Variants in PAX5 observed in about 807,000 individuals in gnomAD.
PAX5 encodes the protein paired box protein Pax-5.
Under a neutral mutation model 43.7 loss-of-function variants are expected in PAX5, and 9 were observed. That is an observed-to-expected ratio of 0.21 (90% confidence interval 0.12 to 0.36). The LOEUF is 0.36. Ranked by LOEUF, PAX5 falls within the 10% of genes least tolerant of loss-of-function variation. PAX5 has a pLI of 1.00. For synonymous variants in PAX5, 228 were observed against 214.3 expected (o/e 1.06, Z -0.56); for missense variants, 383 against 532.7 (o/e 0.72, Z 2.77).
At chr9:36,908,354 C>T (rs1187435576) in intron 7 of PAX5, among the ~76,000 whole-genome samples, 1 of 152,066 alleles carries the variant, frequency 6.6e-6, no homozygotes, top group African/African-American at 2.4e-5. Context: ...CTGTCCCTTC[C>T]TTCATGCTGT....
intron 6 of PAX5, among the ~76,000 whole-genome samples, chr9:36,954,146 T>C (rs537642295): frequency 2.0e-5 from 3 of 152,318 alleles, no homozygotes; most frequent in South Asian, 2.1e-4. Flanking sequence ...TGTCTCTTCT[T>C]ACTTTTTTTT....
intron 5 of PAX5, among the ~76,000 whole-genome samples, chr9:36,990,929 G>A (rs532971471): frequency 5.9e-5 from 9 of 152,252 alleles, no homozygotes; most frequent in African/African-American, 1.9e-4. Flanking sequence ...GGACAACATG[G>A]TGAAATCCCA....
intron 5 of PAX5, among the ~76,000 whole-genome samples, chr9:36,967,127 C>A (rs929883358): frequency 2.6e-5 from 4 of 152,198 alleles, no homozygotes; most frequent in African/African-American, 9.7e-5. Context: ...GTCCTAAAGA[C>A]CTTCCCGGGA....
chr9:36,916,081 G>GT (rs1829711169), intron 7 of PAX5, among the ~76,000 whole-genome samples: 2 of 151,132 alleles, frequency 1.3e-5, no homozygotes, highest in African/African-American at 4.9e-5. Context: ...ATCCCTTGAG[G>GT]TTTTTTTTGT....
At chr9:36,958,428 C>T (rs1382997598) in intron 6 of PAX5, among the ~76,000 whole-genome samples, 1 of 151,186 alleles carries the variant, frequency 6.6e-6, no homozygotes, top group African/African-American at 2.4e-5. Context: ...CAAGCTAACT[C>T]TAGGAACTAC....
rs1821561931 is a variant in PAX5 at position 36,835,299 on chromosome 9, C to T, written c.*5261G>A. 8.6e-6 allele frequency: 2 copies of T among 233,024 alleles called. No homozygotes were observed. The highest frequency in any genetic ancestry group is 1.7e-5 in the Non-Finnish European group (2 of 117,888). The allele number at this position is 233,024 out of a possible 1,614,324, so 14.4% of individuals were successfully genotyped here. ...AATCCTGGGGTGCCCAGGAACGGAG[C>T]CTCAGTGCTGAGGAATTACCAGAAA... On this transcript the variant is annotated 3_prime_UTR_variant, in exon 10 of 10. Coordinates refer to ENST00000358127, the MANE Select transcript of PAX5 (RefSeq NM_016734.3).
At position 37,009,028 on chromosome 9, in the gene PAX5, A is replaced by G. The variant is rs572174531; in HGVS notation, c.411-2491T>C. ...ATATACCAGACATAAATATAGTTAC[A>G]AATAAATATATGGCAAAAAAGTCAC... On this transcript the variant is annotated intron_variant, in intron 3 of 9. Transcript: ENST00000358127. Among the ~76,000 whole-genome samples, 6 of 152,388 alleles carry G rather than the reference A, an allele frequency of 3.9e-5. No homozygotes were observed. The South Asian group carries it at 1.2e-3, about 32-fold the overall frequency.
chr9:37,011,144 A>AAAAAAAAG (rs1564074650), intron 3 of PAX5, among the ~76,000 whole-genome samples: 7 of 145,628 alleles, frequency 4.8e-5, no homozygotes, highest in Admixed American at 1.4e-4. Context: ...AAAAAAAAAA[A>AAAAAAAAG]AAAGAAAGAG....
chr9:36,969,968 G>C (rs111742741), intron 5 of PAX5, among the ~76,000 whole-genome samples: 1 of 152,128 alleles, frequency 6.6e-6, no homozygotes, highest in African/African-American at 2.4e-5. Context: ...AACAAATATT[G>C]ATAAAATATT....
rs61478585 is a variant in PAX5, at chr9:36,873,087, C to T, written c.1012+8917G>A. ...TTCACAGACTGGCAAACTCACTCTTCAAGGTCCAGCTCAAATGACCTCCTT... is the reference window on the plus strand; with the variant it reads ...TTCACAGACTGGCAAACTCACTCTTTAAGGTCCAGCTCAAATGACCTCCTT... On this transcript the variant is annotated intron_variant, in intron 8 of 9. Transcript: ENST00000358127. 4.2e-3 allele frequency among the ~76,000 whole-genome samples: 636 copies of T among 152,368 alleles called. 4 individuals carry two copies. The highest frequency in any genetic ancestry group is 0.013 in the African/African-American group (545 of 41,590).
At chr9:36,931,051 C>A in intron 6 of PAX5, 2 of 446,056 alleles carry the variant, frequency 4.5e-6, no homozygotes, top group Non-Finnish European at 9.0e-6. Context: ...CCTCAGATGG[C>A]CACCTGGGGC....
Position 37,002,691 on chromosome 9 carries a change from G to A in PAX5, c.561C>T (p.Ile187=), listed in dbSNP as rs777745783. The A allele has an allele frequency of 1.2e-6, 2 of 1,611,170 alleles. No individual in the cohort carries two copies. Among genetic ancestry groups the A allele is most frequent in the Non-Finnish European group, 1.7e-6 (2 of 1,179,034 alleles). Residue 187 remains isoleucine (I), a synonymous_variant, in exon 5 of 10, where the codon ATC becomes ATT. Transcript: ENST00000358127. The part of the protein sequence containing the change: ...SSYSISGILG[I]TSPSADTNKR... ...TGTTGGTGTCGGCGCTGGGGGACGT[G>A]ATGCCCAGGATGCCGCTGATGGAGT...
At chr9:36,955,937 A>G (rs1435360859) in intron 6 of PAX5, among the ~76,000 whole-genome samples, 2 of 152,158 alleles carry the variant, frequency 1.3e-5, no homozygotes, top group African/African-American at 4.8e-5. Flanking sequence ...ATAATTTACA[A>G]AACAATAAAT....
At chr9:36,854,019 C>T (rs1039422011) in intron 8 of PAX5, among the ~76,000 whole-genome samples, 3 of 152,260 alleles carry the variant, frequency 2.0e-5, no homozygotes, top group Admixed American at 6.5e-5. Flanking sequence ...AGACCTTGGC[C>T]GGCTGCAATT....
At chr9:36,939,156 C>A (rs754220130) in intron 6 of PAX5, among the ~76,000 whole-genome samples, 86 of 152,332 alleles carry the variant, frequency 5.6e-4, no homozygotes, top group Non-Finnish European at 3.2e-4. Flanking sequence ...TTAAATTTGC[C>A]CTAGGGCAAA....
At chr9:37,020,122 AT>A (rs1839732257) in intron 2 of PAX5, among the ~76,000 whole-genome samples, 1 of 151,416 alleles carries the variant, frequency 6.6e-6, no homozygotes, top group Admixed American at 6.6e-5. Context: ...CTCTTCTCTA[AT>A]TTAATATATA....
chr9:37,015,496 A>T lies in PAX5; in HGVS notation c.213-302T>A, dbSNP rs948039681. On this transcript the variant is annotated intron_variant, in intron 2 of 9. Transcript: ENST00000358127. The surrounding 1 kb of genome is among the most constrained non-coding windows in gnomAD (Gnocchi z 4.4). ...TTTTATATATTGAGTTAAAATATATAATTAAAATATAGTACCTCTTTTTTT... is the reference window on the plus strand; with the variant it reads ...TTTTATATATTGAGTTAAAATATATTATTAAAATATAGTACCTCTTTTTTT... Among the ~76,000 whole-genome samples the T allele has an allele frequency of 7.9e-5, 12 of 152,200 alleles. No homozygotes were observed. The highest frequency in any genetic ancestry group is 2.9e-4 in the African/African-American group (12 of 41,460).
At chr9:37,023,244 C>T (rs879910977) in intron 1 of PAX5, among the ~76,000 whole-genome samples, 17 of 152,058 alleles carry the variant, frequency 1.1e-4, no homozygotes, top group East Asian at 1.9e-4. Context: ...TGGCACACAA[C>T]GGGAGGCAAT....
At chr9:36,930,768 G>T (rs1359715915) in intron 6 of PAX5, 21 of 1,097,098 alleles carry the variant, frequency 1.9e-5, no homozygotes, top group Non-Finnish European at 2.6e-5. Flanking sequence ...GGTAAGGAGA[G>T]GGACACCACT....
Sources: gnomAD v4.1 joint callset for allele counts (sites outside exome capture counted in the v4.1 genomes callset) on GRCh38, gnomAD v4.1.1 for gene constraint, Gnocchi (gnomAD v3.1) non-coding constraint, MANE v1.5 for transcripts, NCBI Gene and HGNC (gene_info 2026-07-23, HGNC 2026-07-21) for gene names.